KCNT2: variants seen among roughly 807,000 people sequenced by gnomAD.
KCNT2 encodes the protein potassium sodium-activated channel subfamily T member 2, also known as potassium channel subfamily T member 2.
Under a neutral mutation model 153.8 loss-of-function variants are expected in KCNT2, and 67 were observed. The observed-to-expected ratio is 0.44, with a 90% CI of 0.36 to 0.53. KCNT2 has a LOEUF of 0.53. Among genes scored for constraint, KCNT2 ranks in the 20% least tolerant of loss-of-function variants. The pLI, the probability that KCNT2 is intolerant of heterozygous loss-of-function variation, is 0.00. For synonymous variants in KCNT2, 500 were observed against 458.8 expected (o/e 1.09, Z -1.15); for missense variants, 975 against 1,354.8 (o/e 0.72, Z 4.40).
chr1:196,303,941 C>CT (rs1207492783), intron 22 of KCNT2, among the ~76,000 whole-genome samples: 2 of 152,118 alleles, frequency 1.3e-5, no homozygotes, highest in East Asian at 3.9e-4. Context: ...TGCTTGCCAT[C>CT]TTTTTTTATG....
chr1:196,335,753 T>A (rs1233906352), intron 16 of KCNT2, among the ~76,000 whole-genome samples: 2 of 152,128 alleles, frequency 1.3e-5, no homozygotes, highest in Non-Finnish European at 2.9e-5. Context: ...ATAAAAACAA[T>A]GTTGCACACA....
At chr1:196,397,803 C>T (rs771220668) in intron 13 of KCNT2, among the ~76,000 whole-genome samples, 11 of 151,450 alleles carry the variant, frequency 7.3e-5, no homozygotes, top group Non-Finnish European at 1.5e-4. Context: ...TTTGCTGACA[C>T]ATTGCTAAAA....
chr1:196,308,744 G>C (rs1661873617), intron 21 of KCNT2, among the ~76,000 whole-genome samples: 1 of 151,966 alleles, frequency 6.6e-6, no homozygotes, highest in Admixed American at 6.6e-5. Flanking sequence ...ATTAGGTTCT[G>C]AAGCTTCCCC....
intron 1 of KCNT2, among the ~76,000 whole-genome samples, chr1:196,520,680 A>G (rs1018846155): frequency 6.6e-6 from 1 of 152,188 alleles, no homozygotes; most frequent in Non-Finnish European, 1.5e-5. Context: ...CAAAGCTGAC[A>G]AAAGCATGCA....
intron 26 of KCNT2, among the ~76,000 whole-genome samples, chr1:196,251,628 A>G (rs1655980979): frequency 6.6e-6 from 1 of 151,904 alleles, no homozygotes; most frequent in African/African-American, 2.4e-5. Context: ...GATGGGAGAA[A>G]GGGGATAGTT....
chr1:196,472,189 A>G (rs1678161552), intron 5 of KCNT2, among the ~76,000 whole-genome samples: 1 of 152,146 alleles, frequency 6.6e-6, no homozygotes, highest in Non-Finnish European at 1.5e-5. Context: ...ATCACGAATG[A>G]GTAAATGATA....
chr1:196,446,918 CTT>C (rs1675736037), intron 8 of KCNT2, among the ~76,000 whole-genome samples: 5 of 151,636 alleles, frequency 3.3e-5, no homozygotes, highest in African/African-American at 1.2e-4. Flanking sequence ...TACCACCTGT[CTT>C]TACCCATTAG....
At position 196,231,482 on chromosome 1, in the gene KCNT2, G is replaced by A. The variant is rs547848101; in HGVS notation, c.3297-3147C>T. Reference sequence around the variant, plus strand: ...GACTCCTGTCCGGCAGAAGATTAAAGTAAAATTTATGAAGCAGATATAATG... The same window carrying A: ...GACTCCTGTCCGGCAGAAGATTAAAATAAAATTTATGAAGCAGATATAATG... On this transcript the variant is annotated intron_variant, in intron 27 of 27. Coordinates refer to ENST00000294725, the MANE Select transcript of KCNT2 (RefSeq NM_198503.5). Among the ~76,000 whole-genome samples the A allele has an allele frequency of 2.1e-4, 32 of 151,706 alleles. No homozygotes were observed. The South Asian group carries it at 6.4e-3, about 31-fold the overall frequency.
intron 27 of KCNT2, among the ~76,000 whole-genome samples, chr1:196,230,818 T>C (rs1022736013): frequency 2.6e-5 from 4 of 152,000 alleles, no homozygotes; most frequent in African/African-American, 9.7e-5. Context: ...CTGGTGAAGA[T>C]GCTATGAACA....
chr1:196,556,258 G>C (rs1220001905), intron 1 of KCNT2, among the ~76,000 whole-genome samples: 1 of 151,412 alleles, frequency 6.6e-6, no homozygotes, highest in African/African-American at 2.4e-5. Flanking sequence ...CATTTCACAA[G>C]AGATTAATAA....
chr1:196,332,928 G>T (rs147165538), intron 17 of KCNT2, among the ~76,000 whole-genome samples: 48 of 151,652 alleles, frequency 3.2e-4, no homozygotes, highest in Admixed American at 1.1e-3. Context: ...AGGATTGCAG[G>T]CGCGCACCAC....
chr1:196,549,195 A>G (rs1170470952), intron 1 of KCNT2, among the ~76,000 whole-genome samples: 1 of 151,942 alleles, frequency 6.6e-6, no homozygotes, highest in Admixed American at 6.6e-5. Flanking sequence ...TTACTCAATA[A>G]AATGTATAAT....
intron 26 of KCNT2, among the ~76,000 whole-genome samples, chr1:196,239,857 C>T (rs554528701): frequency 3.3e-5 from 5 of 152,020 alleles, no homozygotes; most frequent in African/African-American, 1.2e-4. Flanking sequence ...CAGGGTTGTC[C>T]TCTAATCCAA....
chr1:196,448,068 A>G (rs1675847062), intron 8 of KCNT2, among the ~76,000 whole-genome samples: 1 of 151,636 alleles, frequency 6.6e-6, no homozygotes, highest in Non-Finnish European at 1.5e-5. Flanking sequence ...TCACCACAAC[A>G]TGTCATCCCC....
At chr1:196,557,499 G>A (rs1219245469) in intron 1 of KCNT2, among the ~76,000 whole-genome samples, 1 of 150,816 alleles carries the variant, frequency 6.6e-6, no homozygotes, top group Non-Finnish European at 1.5e-5. Flanking sequence ...TAGTCAAGAT[G>A]TCATTTTTCA....
chr1:196,245,269 T>C (rs1049343167), intron 26 of KCNT2, among the ~76,000 whole-genome samples: 4 of 151,770 alleles, frequency 2.6e-5, no homozygotes, highest in African/African-American at 9.7e-5. Context: ...GGTGGGAGGA[T>C]TGCTTGAGCC....
At chr1:196,358,690 T>A (rs545931228) in intron 14 of KCNT2, among the ~76,000 whole-genome samples, 87 of 152,114 alleles carry the variant, frequency 5.7e-4, no homozygotes, top group Admixed American at 2.6e-3. Context: ...TTGATTTTTT[T>A]AAACAAATCT....
Position 196,563,426 on chromosome 1 carries a change from T to C in KCNT2, c.95+44789A>G, listed in dbSNP as rs552745651. On this transcript the variant is annotated intron_variant, in intron 1 of 27. Transcript: ENST00000294725. ...GAAGTGGTATTCATCGTTATCATTT[T>C]ATCCCCAATAACAAAAAAAAAAAAG... 5.7e-4 allele frequency among the ~76,000 whole-genome samples: 82 copies of C among 144,930 alleles called. 1 individual carries two copies. The highest frequency in any genetic ancestry group is 2.0e-3 in the African/African-American group (77 of 39,246).
chr1:196,339,805 T>C (rs774410231), intron 16 of KCNT2, among the ~76,000 whole-genome samples: 13 of 152,200 alleles, frequency 8.5e-5, no homozygotes, highest in Admixed American at 2.6e-4. Flanking sequence ...TTTTTTCTTT[T>C]ACCTTTCTTC....
Sources: allele counts gnomAD v4.1 joint callset (sites outside exome capture counted in the v4.1 genomes callset), GRCh38; gene constraint gnomAD v4.1.1; transcripts MANE v1.5; gene names NCBI Gene and HGNC (gene_info 2026-07-23, HGNC 2026-07-21).